The following STYK1 variants were observed in gnomAD, a reference collection of about 807,000 sequenced individuals.
STYK1 encodes the protein STY kinase 1, also known as tyrosine-protein kinase STYK1.
STYK1 carries 46 observed loss-of-function variants against 48.1 expected under a neutral mutation model. That is an observed-to-expected ratio of 0.96 (90% CI 0.75 to 1.22). The LOEUF is 1.22. Among genes scored for constraint, STYK1 ranks in the 50% most tolerant of loss-of-function variants. The pLI, the probability that STYK1 is intolerant of heterozygous loss-of-function variation, is 0.00. For synonymous variants in STYK1, 188 were observed against 189.0 expected (o/e 0.99, Z 0.04); for missense variants, 527 against 521.1 (o/e 1.01, Z -0.11).
chr12:10,671,137 G>C (rs1270497525), intron 1 of STYK1, among the ~76,000 whole-genome samples: 1 of 151,380 alleles, frequency 6.6e-6, no homozygotes, highest in Non-Finnish European at 1.5e-5. Context: ...TGGGACTACA[G>C]GCGCCCGCCA....
At chr12:10,646,690 C>A (rs899054980) in intron 1 of STYK1, among the ~76,000 whole-genome samples, 1 of 152,208 alleles carries the variant, frequency 6.6e-6, no homozygotes, top group Non-Finnish European at 1.5e-5. Context: ...GTCTCCAGGG[C>A]ATGTCAGAGA....
At position 10,627,864 on chromosome 12, in the gene STYK1, T is replaced by C. The variant is rs181182314; in HGVS notation, c.634-140A>G. On this transcript the variant is annotated intron_variant, in intron 6 of 10. Transcript: ENST00000075503. ...TAAGGACTAGTGTTCAAAGTGAGGC[T>C]GTGGGAGATTTTCAGATAGGCAGAG... 11 of 624,720 alleles carry C rather than the reference T, an allele frequency of 1.8e-5. 1 individual carries two copies. The highest frequency in any genetic ancestry group is 1.1e-4 in the African/African-American group (6 of 52,840). The allele number at this position is 624,720 out of a possible 1,614,324, so 38.7% of individuals were successfully genotyped here. A position where few individuals can be genotyped will look rare whatever the true frequency, so the allele number is the denominator to read the frequency against.
At chr12:10,666,253 G>A (rs1947832556) in intron 1 of STYK1, among the ~76,000 whole-genome samples, 3 of 152,062 alleles carry the variant, frequency 2.0e-5, no homozygotes, top group South Asian at 2.1e-4. Flanking sequence ...ACAAACTAGG[G>A]GTGACTTGAC....
At chr12:10,668,617 A>G (rs990068285) in intron 1 of STYK1, among the ~76,000 whole-genome samples, 3 of 130,016 alleles carry the variant, frequency 2.3e-5, no homozygotes, top group Non-Finnish European at 4.7e-5. Context: ...CTGCTCTCGA[A>G]CTCCTGACCT....
chr12:10,642,567 C>T (rs1189522884), intron 1 of STYK1, among the ~76,000 whole-genome samples: 2 of 152,090 alleles, frequency 1.3e-5, no homozygotes, highest in Non-Finnish European at 1.5e-5. Flanking sequence ...ATCAGGTAAA[C>T]ATGTATAACC....
intron 4 of STYK1, among the ~76,000 whole-genome samples, chr12:10,633,050 G>A (rs1947446778): frequency 6.6e-6 from 1 of 152,138 alleles, no homozygotes; most frequent in African/African-American, 2.4e-5. Flanking sequence ...GACTATCATT[G>A]GAATAGAAAA....
chr12:10,638,740 T>C (rs1947512471), intron 1 of STYK1, among the ~76,000 whole-genome samples: 1 of 152,226 alleles, frequency 6.6e-6, no homozygotes, highest in African/African-American at 2.4e-5. Flanking sequence ...AAAATATACC[T>C]AGATATAAGA....
intron 1 of STYK1, among the ~76,000 whole-genome samples, chr12:10,657,065 T>C (rs923208521): frequency 0.17 from 29 of 170 alleles, no homozygotes; most frequent in Non-Finnish European, 0.23. Context: ...ACCTGGAAGA[T>C]ACTGGAAGTG....
intron 1 of STYK1, among the ~76,000 whole-genome samples, chr12:10,651,721 G>A (rs927241608): frequency 5.9e-5 from 9 of 152,156 alleles, no homozygotes; most frequent in East Asian, 3.9e-4. Flanking sequence ...AATACCACTC[G>A]CATTTCTGTA....
chr12:10,622,526 A>G (rs1201244435), intron 9 of STYK1, 112 bp downstream of exon 9: 1 of 1,188,358 alleles, frequency 8.4e-7, no homozygotes, highest in Non-Finnish European at 1.2e-6. Flanking sequence ...GTCCATTTCA[A>G]GCTTCAGCAC....
chr12:10,651,204 A>C (rs567308490), intron 1 of STYK1, among the ~76,000 whole-genome samples: 1 of 152,118 alleles, frequency 6.6e-6, no homozygotes, highest in African/African-American at 2.4e-5. Context: ...CTAAACTTGT[A>C]TGCATGAGCG....
In STYK1 at chr12:10,623,869, T is replaced by C. The variant is rs574278852; in HGVS notation, c.926+782A>G. On this transcript the variant is annotated intron_variant, in intron 8 of 10. Coordinates refer to ENST00000075503, the MANE Select transcript of STYK1 (RefSeq NM_018423.3). ...ACTAAAAGAACAACGTGTAACTTCA[T>C]TTGGGAAACTCATCCTTATAAAAAG... Among the ~76,000 whole-genome samples, 3 of 152,296 alleles carry C rather than the reference T, an allele frequency of 2.0e-5. No individual in the cohort carries two copies. The East Asian group carries it at 5.8e-4, about 29-fold the overall frequency.
chr12:10,628,923 G>C (rs993036713), intron 6 of STYK1, among the ~76,000 whole-genome samples: 7 of 151,908 alleles, frequency 4.6e-5, no homozygotes, highest in Non-Finnish European at 5.9e-5. Context: ...AAAGATAATT[G>C]TTATATATAA....
At position 10,672,741 on chromosome 12, in the gene STYK1, C is replaced by T. The variant is rs1947903383; in HGVS notation, c.-195+1225G>A. On this transcript the variant is annotated intron_variant, in intron 1 of 10. Coordinates refer to ENST00000075503, the MANE Select transcript of STYK1 (RefSeq NM_018423.3). This position sits in a 1 kb window ranked among gnomAD's most constrained non-coding sequence, Gnocchi z 4.0. Reference sequence around the variant, plus strand: ...AGTCCCTGGTGCCTGGTGCCAAAAGCCATGCAGTTTGTGGTACCTTGTTAC... The same window carrying T: ...AGTCCCTGGTGCCTGGTGCCAAAAGTCATGCAGTTTGTGGTACCTTGTTAC... 6.6e-6 allele frequency among the ~76,000 whole-genome samples: 1 copy of T among 152,190 alleles called. No homozygotes were observed. Among genetic ancestry groups the T allele is most frequent in the Non-Finnish European group, 1.5e-5 (1 of 68,040 alleles).
intron 4 of STYK1, among the ~76,000 whole-genome samples, 175 bp downstream of exon 4, chr12:10,633,815 C>T (rs568574465): frequency 2.4e-4 from 36 of 152,200 alleles, no homozygotes; most frequent in African/African-American, 7.5e-4. Flanking sequence ...AATTCCAACT[C>T]GGGAATTCCT....
At chr12:10,622,214 T>C (rs896056828) in intron 9 of STYK1, among the ~76,000 whole-genome samples, 6 of 152,090 alleles carry the variant, frequency 3.9e-5, no homozygotes, top group Non-Finnish European at 5.9e-5. Context: ...AAGAAAGTGA[T>C]CAAATAAGAC....
chr12:10,669,864 C>G (rs1184763996), intron 1 of STYK1, among the ~76,000 whole-genome samples: 2 of 152,132 alleles, frequency 1.3e-5, no homozygotes, highest in Non-Finnish European at 2.9e-5. Context: ...ATGACCAACA[C>G]ATATGTGAAA....
Position 10,620,342 on chromosome 12 carries a change from A to G in STYK1, c.1071T>C (p.Ser357=), listed in dbSNP as rs1591671392. The change falls in exon 11 of 11, where the codon AGT becomes AGC. Residue 357 remains serine (S), a synonymous_variant. Transcript: ENST00000075503. The part of the protein sequence containing the change: ...RPSSCTHTMY[S]IMKSCWRWRE... ...GCCAGCGCCAGCAGGACTTCATGATACTGTACCTGAGAGGGAAACAAGAGA... is the reference window on the plus strand; with the variant it reads ...GCCAGCGCCAGCAGGACTTCATGATGCTGTACCTGAGAGGGAAACAAGAGA... The G allele has an allele frequency of 6.2e-7, 1 of 1,612,884 alleles. No individual in the cohort carries two copies. The highest frequency in any genetic ancestry group is 8.5e-7 in the Non-Finnish European group (1 of 1,180,038).
At chr12:10,629,909 C>T (rs1401793406) in intron 5 of STYK1, among the ~76,000 whole-genome samples, 2 of 152,070 alleles carry the variant, frequency 1.3e-5, no homozygotes, top group Non-Finnish European at 1.5e-5. Context: ...CTTTCATCTG[C>T]CTAAATAGAG....
Sources: allele counts gnomAD v4.1 joint callset (sites outside exome capture counted in the v4.1 genomes callset), GRCh38; gene constraint gnomAD v4.1.1; non-coding constraint Gnocchi (gnomAD v3.1); transcripts MANE v1.5; gene names NCBI Gene and HGNC (gene_info 2026-07-23, HGNC 2026-07-21).